The following NID2 variants were observed in gnomAD, a reference collection of about 807,000 sequenced individuals.
The protein encoded by NID2 is nidogen-2.
In NID2, 83 loss-of-function variants were observed where a neutral mutation model predicts 145.4. The ratio of observed to expected loss-of-function variants is 0.57; its 90% CI spans 0.48 to 0.69. NID2 has a LOEUF of 0.69. NID2 is among the 30% of genes least tolerant of loss of function. The pLI is 0.00. For missense variants in NID2, 1,807 were observed against 1,765.7 expected (o/e 1.02, Z -0.42); for synonymous variants, 739 against 701.3 (o/e 1.05, Z -0.85).
intron 5 of NID2, among the ~76,000 whole-genome samples, chr14:52,044,383 C>T (rs1237160002): frequency 6.9e-6 from 1 of 145,954 alleles, no homozygotes. Flanking sequence ...CATTCTCTTG[C>T]CTCAGCCTCC....
At chr14:52,061,248 G>A (rs1566776049) in intron 2 of NID2, among the ~76,000 whole-genome samples, 1 of 152,210 alleles carries the variant, frequency 6.6e-6, no homozygotes, top group Non-Finnish European at 1.5e-5. Flanking sequence ...AGGTGTTTGT[G>A]ATTCCCTATA....
At chr14:52,015,628 C>A (rs547671660) in intron 14 of NID2, among the ~76,000 whole-genome samples, 1 of 152,300 alleles carries the variant, frequency 6.6e-6, no homozygotes, top group East Asian at 1.9e-4. Flanking sequence ...CAAGGCCCAT[C>A]CTGCCTGTAC....
At chr14:52,067,571 C>G (rs1893262060) in intron 2 of NID2, among the ~76,000 whole-genome samples, 1 of 152,126 alleles carries the variant, frequency 6.6e-6, no homozygotes, top group African/African-American at 2.4e-5. Flanking sequence ...AGCAACCAAA[C>G]AGTAAATTGC....
intron 20 of NID2, 95 bp downstream of exon 20, chr14:52,006,442 T>G: frequency 4.9e-6 from 7 of 1,432,658 alleles, no homozygotes; most frequent in South Asian, 1.3e-5. Context: ...GAGGGCTTAA[T>G]GAGTCAAGTC....
intron 3 of NID2, among the ~76,000 whole-genome samples, 157 bp downstream of exon 3, chr14:52,059,967 C>T (rs542255989): frequency 6.6e-6 from 1 of 152,304 alleles, no homozygotes; most frequent in African/African-American, 2.4e-5. Context: ...TGAACTTGAT[C>T]CTTCCAGGGT....
At position 52,040,519 on chromosome 14, in the gene NID2, A is replaced by C. The variant is rs531436714; in HGVS notation, c.2026+132T>G. 1.5e-4 allele frequency: 109 copies of C among 748,576 alleles called. 1 individual carries two copies. In the African/African-American group the frequency reaches 1.6e-3, roughly 11 times the overall value. 46.4% of individuals were successfully genotyped at this position (748,576 alleles called of 1,614,324 possible). ...TTTCATGGTAACAATAAGAGTAATA[A>C]CATAATAGAGCTCATTTTATGTTCC... On this transcript the variant is annotated intron_variant, in intron 8 of 21. Transcript: ENST00000216286.
intron 12 of NID2, among the ~76,000 whole-genome samples, chr14:52,026,837 T>C (rs540320694): frequency 2.1e-4 from 32 of 152,340 alleles, no homozygotes; most frequent in Middle Eastern, 3.4e-3. Flanking sequence ...AAATATCACT[T>C]AAAGCAGAAG....
At chr14:52,024,517 C>T (rs567460680) in intron 12 of NID2, among the ~76,000 whole-genome samples, 25 of 152,316 alleles carry the variant, frequency 1.6e-4, no homozygotes, top group African/African-American at 5.8e-4. Context: ...ACCCACCAGA[C>T]ACTTTGACTG....
At chr14:52,039,309 T>C in intron 8 of NID2, among the ~76,000 whole-genome samples, 1 of 152,204 alleles carries the variant, frequency 6.6e-6, no homozygotes, top group East Asian at 1.9e-4. Context: ...AATCATGTGA[T>C]CAGAGGCTCA....
In NID2 at chr14:52,040,659, G is replaced by T; in HGVS notation, c.2018C>A (p.Ser673Tyr). 1 of 1,613,844 alleles carries T rather than the reference G, an allele frequency of 6.2e-7. No individual in the cohort carries two copies. Among genetic ancestry groups the T allele is most frequent in the South Asian group, 1.1e-5 (1 of 91,050 alleles). The part of the protein sequence containing the change: ...ISPYKELYHY[S>Y]DSTVTSTSSR... ...AGACTGGTTATACATACTGGAGTCG[G>T]AGTAGTGGTACAGCTCCTTGTAGGG... The change falls in exon 8 of 22, where the codon TCC becomes TAC. Residue 673 changes from serine (S) to tyrosine (Y), a missense_variant. Physicochemically the swap from Ser to Tyr is moderately radical, Grantham distance 144 (BLOSUM62 -2). Transcript: ENST00000216286.
At chr14:52,010,580 A>G (rs769640265) in intron 18 of NID2, 10 of 234,736 alleles carry the variant, frequency 4.3e-5, no homozygotes, top group Middle Eastern at 3.1e-3. Flanking sequence ...CATTTGATTC[A>G]GAGTAGCCCT....
intron 12 of NID2, 63 bp downstream of exon 12, chr14:52,027,138 C>G (rs1300911700): frequency 3.8e-5 from 53 of 1,390,764 alleles, no homozygotes; most frequent in Non-Finnish European, 5.0e-5. Context: ...AGAGCTCCAT[C>G]TATGTGGGGA....
At chr14:52,015,587 GCA>G (rs1273071089) in intron 14 of NID2, among the ~76,000 whole-genome samples, 1 of 152,196 alleles carries the variant, frequency 6.6e-6, no homozygotes, top group African/African-American at 2.4e-5. Flanking sequence ...CTGGGAAGGG[GCA>G]TGATCTCCTT....
chr14:52,058,960 G>T (rs1038942157), intron 3 of NID2, among the ~76,000 whole-genome samples: 4 of 151,924 alleles, frequency 2.6e-5, no homozygotes, highest in African/African-American at 9.7e-5. Context: ...GAGCCCTAAA[G>T]ATGCCCAATG....
chr14:52,049,639 TGACA>T (rs1892622528), intron 5 of NID2, among the ~76,000 whole-genome samples: 1 of 152,204 alleles, frequency 6.6e-6, no homozygotes, highest in Non-Finnish European at 1.5e-5. Context: ...TCTCTCAGAA[TGACA>T]GACTAGTTAG....
intron 2 of NID2, among the ~76,000 whole-genome samples, chr14:52,062,986 T>C (rs983650409): frequency 6.6e-6 from 1 of 152,224 alleles, no homozygotes; most frequent in African/African-American, 2.4e-5. Flanking sequence ...TCCTTTTAAG[T>C]AGAATTTATG....
chr14:52,047,521 G>A (rs922843288), intron 5 of NID2, among the ~76,000 whole-genome samples: 11 of 152,252 alleles, frequency 7.2e-5, no homozygotes, highest in Admixed American at 2.0e-4. Flanking sequence ...AGCACTAGAG[G>A]GTTTCGAGCA....
At chr14:52,033,062 A>C (rs1049772504) in intron 9 of NID2, among the ~76,000 whole-genome samples, 2 of 152,224 alleles carry the variant, frequency 1.3e-5, no homozygotes, top group African/African-American at 4.8e-5. Flanking sequence ...GCTTCCCAAA[A>C]CATTTTTAAA....
At chr14:52,017,634 G>T (rs995755211) in intron 14 of NID2, among the ~76,000 whole-genome samples, 1 of 151,470 alleles carries the variant, frequency 6.6e-6, no homozygotes, top group African/African-American at 2.4e-5. Context: ...CCAACCATTT[G>T]ATTTCTTCAA....
Sources: allele counts gnomAD v4.1 joint callset (sites outside exome capture counted in the v4.1 genomes callset), GRCh38; gene constraint gnomAD v4.1.1; transcripts MANE v1.5; gene names NCBI Gene and HGNC (gene_info 2026-07-23, HGNC 2026-07-21).